The following AMOTL1 variants were observed in gnomAD, a reference collection of about 807,000 sequenced individuals.
AMOTL1 encodes angiomotin like 1.
In AMOTL1, 45 loss-of-function variants were observed where a neutral mutation model predicts 102.9. That is an observed-to-expected ratio of 0.44 (90% confidence interval 0.34 to 0.56). AMOTL1 has a LOEUF of 0.56. Among genes scored for constraint, AMOTL1 ranks in the 20% least tolerant of loss-of-function variants. The pLI is 0.01. For missense variants in AMOTL1, 1,114 were observed against 1,225.6 expected (o/e 0.91, Z 1.36); for synonymous variants, 481 against 484.7 (o/e 0.99, Z 0.10).
At chr11:94,865,013 A>G (rs911508957) in intron 10 of AMOTL1, among the ~76,000 whole-genome samples, 153 bp downstream of exon 10, 1 of 152,168 alleles carries the variant, frequency 6.6e-6, no homozygotes, top group East Asian at 1.9e-4. Flanking sequence ...AGAGAAGGAA[A>G]AGGTTCCAAC....
At position 94,874,700 on chromosome 11, in the gene AMOTL1, G is replaced by A. The variant is rs1953066016; in HGVS notation, c.*3905G>A. ...AGCACCTTCATGCCAGGTGCTGAGA[G>A]AATGGGAAATTCTTCCTCCCCATTG... On this transcript the variant is annotated 3_prime_UTR_variant, in exon 13 of 13. Transcript: ENST00000433060. 1 of 152,236 alleles carries A rather than the reference G, an allele frequency of 6.6e-6. No individual in the cohort carries two copies. The highest frequency in any genetic ancestry group is 6.5e-5 in the Admixed American group (1 of 15,282). 9.4% of individuals were successfully genotyped at this position (152,236 alleles called of 1,614,324 possible).
intron 4 of AMOTL1, among the ~76,000 whole-genome samples, chr11:94,826,632 C>G (rs1157214330): frequency 6.6e-6 from 1 of 152,160 alleles, no homozygotes; most frequent in Non-Finnish European, 1.5e-5. Context: ...TAATCTATTC[C>G]TGCAAAATCC....
At chr11:94,825,093 T>A (rs1309450918) in intron 4 of AMOTL1, among the ~76,000 whole-genome samples, 1 of 152,168 alleles carries the variant, frequency 6.6e-6, no homozygotes, top group Non-Finnish European at 1.5e-5. Flanking sequence ...TTGGTTATTT[T>A]TTTTGCATCT....
chr11:94,805,206 G>C (rs1486198324), intron 3 of AMOTL1, among the ~76,000 whole-genome samples: 1 of 152,194 alleles, frequency 6.6e-6, no homozygotes, highest in African/African-American at 2.4e-5. Context: ...TATATCACAT[G>C]TGATGTCCAG....
rs374204706 is a variant in AMOTL1, at chr11:94,768,578, G to A, written c.49+18G>A. On this transcript the variant is annotated intron_variant, in intron 1 of 12. Transcript: ENST00000433060. ...GGTGAAAGGTAACCAGCCCCCACTCGAGGTGCCGGGAGGGCGTCTCCGAGT... is the reference window on the plus strand; with the variant it reads ...GGTGAAAGGTAACCAGCCCCCACTCAAGGTGCCGGGAGGGCGTCTCCGAGT... 8.2e-5 allele frequency: 130 copies of A among 1,582,862 alleles called. No homozygotes were observed. Among genetic ancestry groups the A allele is most frequent in the Non-Finnish European group, 1.0e-4 (122 of 1,165,090 alleles).
chr11:94,707,653 A>C lies in AMOTL1; in HGVS notation c.-51+1056A>C, dbSNP rs145124485. Among the ~76,000 whole-genome samples the C allele has an allele frequency of 3.2e-3, 482 of 152,208 alleles. 6 individuals are homozygous for C. Among genetic ancestry groups the C allele is most frequent in the African/African-American group, 0.011 (456 of 41,528 alleles). ...ACTGGCTGCCAGTGCCTGGTTATAC[A>C]TTCACCTCAGACTAGACCATATCCA... On this transcript the variant is annotated intron_variant, in intron 1 of 4. Transcript: ENST00000299004.
intron 6 of AMOTL1, among the ~76,000 whole-genome samples, chr11:94,834,853 G>C (rs1240712818): frequency 6.6e-6 from 1 of 152,174 alleles, no homozygotes; most frequent in East Asian, 1.9e-4. Context: ...TTCCTGGCCA[G>C]ATTTAAACAT....
chr11:94,799,318 G>C lies in AMOTL1; in HGVS notation c.200-72G>C. On this transcript the variant is annotated intron_variant, in intron 2 of 12. Coordinates refer to ENST00000433060, the MANE Select transcript of AMOTL1 (RefSeq NM_130847.3). This position sits in a 1 kb window ranked among gnomAD's most constrained non-coding sequence, Gnocchi z 4.5. ...TTGCTGTAGTTAGAATGTTAATTAT[G>C]TACCACATAGTCACAGACATATATC... 8.2e-7 allele frequency: 1 copy of C among 1,213,388 alleles called. No individual in the cohort carries two copies. The highest frequency in any genetic ancestry group is 2.6e-5 in the East Asian group (1 of 39,068). 75.2% of individuals were successfully genotyped at this position (1,213,388 alleles called of 1,614,324 possible).
chr11:94,799,601 C>T lies in AMOTL1; in HGVS notation c.411C>T (p.Asn137=). ...CAGGACCAGCCCATCCTACAAACAA[C>T]TTTTCTTCCACGGAAAACCTCACTC... ...GSAGPAHPTN[N]FSSTENLTQE... Residue 137 remains asparagine (N), a synonymous_variant, in exon 3 of 13, where the codon AAC becomes AAT. Transcript: ENST00000433060. This position sits in a 1 kb window ranked among gnomAD's most constrained non-coding sequence, Gnocchi z 4.5. 1 of 1,613,950 alleles carries T rather than the reference C, an allele frequency of 6.2e-7. No homozygotes were observed. Among genetic ancestry groups the T allele is most frequent in the African/African-American group, 1.3e-5 (1 of 75,026 alleles).
chr11:94,781,013 A>G (rs1951102719), intron 1 of AMOTL1, among the ~76,000 whole-genome samples: 1 of 152,052 alleles, frequency 6.6e-6, no homozygotes, highest in African/African-American at 2.4e-5. Flanking sequence ...CCCTTCAGTC[A>G]TCATGTCTTA....
intron 3 of AMOTL1, among the ~76,000 whole-genome samples, chr11:94,811,000 A>T (rs147320662): frequency 2.0e-5 from 3 of 152,288 alleles, no homozygotes; most frequent in African/African-American, 4.8e-5. Flanking sequence ...CAAAACTAAT[A>T]CAAATGTCAA....
In AMOTL1 at chr11:94,823,628, GGT is replaced by G. The variant is rs1374900202; in HGVS notation, c.1413+1808_1413+1809del. Among the ~76,000 whole-genome samples, 4 of 152,092 alleles carry G rather than the reference GGT, an allele frequency of 2.6e-5. No homozygotes were observed. The East Asian group carries it at 7.7e-4, about 29-fold the overall frequency. ...ACTTGAAGGCAGAGTTTGGTGCTGG[GGT>G]TTTTCCCATGGCTGTTTCTGAAGAG... On this transcript the variant is annotated intron_variant, in intron 4 of 12. Coordinates refer to ENST00000433060, the MANE Select transcript of AMOTL1 (RefSeq NM_130847.3).
chr11:94,726,566 T>C (rs79148895), intron 1 of AMOTL1, among the ~76,000 whole-genome samples: 3 of 151,872 alleles, frequency 2.0e-5, no homozygotes, highest in African/African-American at 7.2e-5. Context: ...GTGCTGTCAT[T>C]AGAAAGTATT....
At chr11:94,748,409 A>G (rs1489885831) in intron 3 of AMOTL1, among the ~76,000 whole-genome samples, 1 of 152,200 alleles carries the variant, frequency 6.6e-6, no homozygotes. Flanking sequence ...CCTGAACTTT[A>G]GTCACGTGGC....
chr11:94,805,377 G>A (rs571002536), intron 3 of AMOTL1, among the ~76,000 whole-genome samples: 1 of 152,230 alleles, frequency 6.6e-6, no homozygotes, highest in African/African-American at 2.4e-5. Context: ...GTGGGTGTGG[G>A]CTTTCGTCTG....
intron 6 of AMOTL1, among the ~76,000 whole-genome samples, chr11:94,845,983 AG>A (rs1332512025): frequency 6.6e-6 from 1 of 152,168 alleles, no homozygotes; most frequent in Non-Finnish European, 1.5e-5. Context: ...CCATCCTAAG[AG>A]GCTTAGCTAA....
intron 1 of AMOTL1, among the ~76,000 whole-genome samples, chr11:94,792,213 C>G (rs191744394): frequency 2.0e-3 from 302 of 152,238 alleles, no homozygotes; most frequent in African/African-American, 6.6e-3. Flanking sequence ...AGCAAACTAT[C>G]GCAAGGACAG....
At chr11:94,841,358 A>G (rs1385073890) in intron 6 of AMOTL1, among the ~76,000 whole-genome samples, 1 of 152,156 alleles carries the variant, frequency 6.6e-6, no homozygotes, top group African/African-American at 2.4e-5. Context: ...AGGCTGGGGC[A>G]GGAGAATCGC....
intron 3 of AMOTL1, among the ~76,000 whole-genome samples, chr11:94,805,001 A>G (rs1487258483): frequency 6.6e-6 from 1 of 152,206 alleles, no homozygotes; most frequent in African/African-American, 2.4e-5. Flanking sequence ...AGGCTTAGAG[A>G]GGGAGGTTAA....
Sources: allele counts gnomAD v4.1 joint callset (sites outside exome capture counted in the v4.1 genomes callset), GRCh38; gene constraint gnomAD v4.1.1; non-coding constraint Gnocchi (gnomAD v3.1); transcripts MANE v1.5; gene names NCBI Gene and HGNC (gene_info 2026-07-23, HGNC 2026-07-21).